The following AGMO variants were observed in gnomAD, a reference collection of about 807,000 sequenced individuals.
AGMO encodes the protein alkylglycerol monooxygenase.
A neutral mutation model predicts 60.2 loss-of-function variants in AGMO; 75 were observed. That is an observed-to-expected ratio of 1.25 (90% CI 1.03 to 1.51). AGMO has a LOEUF of 1.51. Among genes scored for constraint, AGMO ranks in the 40% most tolerant of loss-of-function variants. AGMO has a pLI of 0.00. For missense variants in AGMO, 763 were observed against 525.5 expected (o/e 1.45, Z -4.42); for synonymous variants, 261 against 177.1 (o/e 1.47, Z -3.76).
rs1426618147 is a variant in AGMO at position 15,544,774 on chromosome 7, T to A, written c.407A>T (p.His136Leu). The change falls in exon 3 of 13, where the codon CAT (histidine) becomes CTT (leucine). Residue 136 changes from histidine to leucine, a missense_variant and splice_region_variant. By Grantham distance (99) the His-to-Leu change is moderately conservative. Coordinates refer to ENST00000342526, the MANE Select transcript of AGMO (RefSeq NM_001004320.2). ...AAAAGTCCTCATTTGCAGCTTACCATGAGCCATACGATGGAACCAGTAGTA... is the reference window on the plus strand; with the variant it reads ...AAAAGTCCTCATTTGCAGCTTACCAAGAGCCATACGATGGAACCAGTAGTA... ...FGYYWFHRMA[H>L]EVNIMWAGHQ... 6.3e-7 allele frequency: 1 copy of A among 1,594,320 alleles called. No individual in the cohort carries two copies. The highest frequency in any genetic ancestry group is 2.3e-5 in the East Asian group (1 of 44,222).
At chr7:15,145,214 AATAAATGTATTAT>A in the AGMO span, among the ~76,000 whole-genome samples, 8 of 152,320 alleles carry the variant, frequency 5.3e-5, no homozygotes, top group East Asian at 1.5e-3. Context: ...TAAAATAGTA[AATAAATGTATTAT>A]GTCTTACCAT....
At chr7:15,216,833 AGTGTGTGTGTGTGTGT>A (rs1181410197) in intron 12 of AGMO, among the ~76,000 whole-genome samples, 1 of 147,024 alleles carries the variant, frequency 6.8e-6, no homozygotes, top group African/African-American at 2.5e-5. Context: ...TGAAAGAAAA[AGTGTGTGTGTGTGTGT>A]GTGTGTGTGT....
chr7:15,420,585 C>T (rs10215939), intron 4 of AGMO, among the ~76,000 whole-genome samples: 110,508 of 152,050 alleles, frequency 0.73, 40,917 homozygotes, highest in African/African-American at 0.81. Flanking sequence ...TTTTTACAAT[C>T]GAAAGCAGCT....
At chr7:15,218,383 A>G (rs1325068957) in intron 12 of AGMO, among the ~76,000 whole-genome samples, 1 of 136,032 alleles carries the variant, frequency 7.4e-6, no homozygotes, top group Non-Finnish European at 1.6e-5. Context: ...TTTTTGTTTT[A>G]CGATTTTGGG....
chr7:15,211,501 T>C (rs1044938223), intron 12 of AGMO, among the ~76,000 whole-genome samples: 6 of 152,002 alleles, frequency 3.9e-5, no homozygotes, highest in Admixed American at 2.0e-4. Flanking sequence ...TATGGATTGA[T>C]CATTTGTTTG....
chr7:15,413,405 C>G lies in AGMO; in HGVS notation c.609+5153G>C, dbSNP rs1460362250. Reference sequence around the variant, plus strand: ...AGAGGGGAGTAGAAAGAGAAAAGGACAGAAACAATGTTTAAGAAAATCATG... The same window carrying G: ...AGAGGGGAGTAGAAAGAGAAAAGGAGAGAAACAATGTTTAAGAAAATCATG... On this transcript the variant is annotated intron_variant, in intron 5 of 12. Transcript: ENST00000342526. Among the ~76,000 whole-genome samples the G allele has an allele frequency of 2.0e-5, 3 of 152,072 alleles. No individual in the cohort carries two copies. The East Asian group carries it at 5.8e-4, about 29-fold the overall frequency.
At position 15,432,333 on chromosome 7, in the gene AGMO, T is replaced by TATATATACACATAC. The variant is rs1554271551; in HGVS notation, c.410-1226_410-1225insGTATGTGTATATAT. Among the ~76,000 whole-genome samples the TATATATACACATAC allele has an allele frequency of 1.0e-3, 137 of 135,190 alleles. 2 individuals are homozygous for TATATATACACATAC. The highest frequency in any genetic ancestry group is 3.0e-3 in the African/African-American group (108 of 35,802). The allele number at this position is 135,190 out of a possible 152,430, so 88.7% of individuals were successfully genotyped here. Reference sequence around the variant, plus strand: ...ATATATGTGTGTGTATATATGTATATATATATATATATACATACATATATA... The same window carrying TATATATACACATAC: ...ATATATGTGTGTGTATATATGTATATATATATACACATACATATATATATATACATACATATATA... On this transcript the variant is annotated intron_variant, in intron 3 of 12. Transcript: ENST00000342526.
chr7:15,308,854 A>C (rs1780686496), intron 12 of AGMO, among the ~76,000 whole-genome samples: 1 of 152,176 alleles, frequency 6.6e-6, no homozygotes, highest in African/African-American at 2.4e-5. Flanking sequence ...TGGTTAAATA[A>C]TTTACCTAAA....
At chr7:15,218,792 G>T (rs1349112126) in intron 12 of AGMO, among the ~76,000 whole-genome samples, 1 of 152,030 alleles carries the variant, frequency 6.6e-6, no homozygotes, top group Non-Finnish European at 1.5e-5. Context: ...GTTGAAGCAT[G>T]GTGCACACAG....
At chr7:15,357,492 C>T (rs912773981) in intron 12 of AGMO, among the ~76,000 whole-genome samples, 1 of 152,176 alleles carries the variant, frequency 6.6e-6, no homozygotes, top group Non-Finnish European at 1.5e-5. Flanking sequence ...ATTGATCTTA[C>T]TGCTCTTCAA....
intron 10 of AGMO, among the ~76,000 whole-genome samples, chr7:15,381,963 C>A (rs750053907): frequency 6.6e-6 from 1 of 151,858 alleles, no homozygotes; most frequent in Non-Finnish European, 1.5e-5. Context: ...TAAGTGGGAG[C>A]GCTAAATGAT....
At chr7:15,214,972 A>G (rs529058335) in intron 12 of AGMO, among the ~76,000 whole-genome samples, 4 of 152,208 alleles carry the variant, frequency 2.6e-5, no homozygotes, top group South Asian at 2.1e-4. Context: ...CAGTGATCCT[A>G]TAAGAGCCTA....
At chr7:15,356,698 T>C (rs1168460710) in intron 12 of AGMO, among the ~76,000 whole-genome samples, 1 of 151,922 alleles carries the variant, frequency 6.6e-6, no homozygotes, top group African/African-American at 2.4e-5. Context: ...TTTTATCTTT[T>C]ATAAAAATGT....
chr7:15,356,208 A>T (rs1178834946), intron 12 of AGMO, among the ~76,000 whole-genome samples: 1 of 152,202 alleles, frequency 6.6e-6, no homozygotes, highest in Non-Finnish European at 1.5e-5. Context: ...AGATGTATAA[A>T]CTAGAGAAAC....
At chr7:15,254,827 G>A (rs1242870313) in intron 12 of AGMO, among the ~76,000 whole-genome samples, 1 of 151,772 alleles carries the variant, frequency 6.6e-6, no homozygotes, top group Non-Finnish European at 1.5e-5. Context: ...AGAATCATAA[G>A]AAACTACTAT....
At chr7:15,517,101 C>T (rs535998112) in intron 3 of AGMO, among the ~76,000 whole-genome samples, 101 of 151,796 alleles carry the variant, frequency 6.7e-4, no homozygotes, top group Non-Finnish European at 9.1e-4. Context: ...AATTTTTCAA[C>T]TCATCAAGAC....
chr7:15,291,659 G>C (rs2128522288), intron 12 of AGMO, among the ~76,000 whole-genome samples: 1 of 152,238 alleles, frequency 6.6e-6, no homozygotes, highest in East Asian at 1.9e-4. Flanking sequence ...TGCTAGGGTT[G>C]AACAGTGGGT....
intron 4 of AGMO, 90 bp downstream of exon 4, chr7:15,430,915 T>A (rs1051000601): frequency 2.4e-5 from 17 of 719,236 alleles, no homozygotes; most frequent in South Asian, 5.7e-5. Context: ...ACACCTTCTA[T>A]TAGTTTTTTT....
intron 3 of AGMO, among the ~76,000 whole-genome samples, chr7:15,532,072 C>T (rs1428786170): frequency 6.6e-6 from 1 of 152,130 alleles, no homozygotes; most frequent in Admixed American, 6.6e-5. Context: ...TATAATATGA[C>T]TGCAATACTG....
Sources: allele counts gnomAD v4.1 joint callset (sites outside exome capture counted in the v4.1 genomes callset), GRCh38; gene constraint gnomAD v4.1.1; transcripts MANE v1.5; gene names NCBI Gene and HGNC (gene_info 2026-07-23, HGNC 2026-07-21).